MUC4: variants seen among roughly 807,000 people sequenced by gnomAD.
The protein encoded by MUC4 is mucin 4, cell surface associated, also known as mucin-4.
In MUC4, 202 loss-of-function variants were observed where a neutral mutation model predicts 257.9. That is an observed-to-expected ratio of 0.78 (90% CI 0.70 to 0.88). The LOEUF is 0.88. Ranked by LOEUF, MUC4 falls within the 40% of genes least tolerant of loss-of-function variation. The probability of loss-of-function intolerance (pLI) is 0.00; values close to 1 mark genes in which losing one functional copy is unlikely to be tolerated. For synonymous variants in MUC4, 2,351 were observed against 2,757.1 expected (o/e 0.85, Z 4.62); for missense variants, 5,976 against 6,513.7 (o/e 0.92, Z 2.84).
At position 195,766,849 on chromosome 3, in the gene MUC4, GT is replaced by G. The variant is rs939399567; in HGVS notation, c.13530-99del. 1.9e-4 allele frequency: 209 copies of G among 1,099,808 alleles called. 2 individuals are homozygous for G. Among genetic ancestry groups the G allele is most frequent in the Non-Finnish European group, 8.0e-5 (59 of 734,414 alleles). 68.1% of individuals were successfully genotyped at this position (1,099,808 alleles called of 1,614,324 possible). A position where few individuals can be genotyped will look rare whatever the true frequency, so the allele number is the denominator to read the frequency against. On this transcript the variant is annotated intron_variant, in intron 7 of 24. Coordinates refer to ENST00000463781, the MANE Select transcript of MUC4 (RefSeq NM_018406.7). ...CATCCCGCTAGCCGGTCAGCAGCTG[GT>G]CAACCAGCTAGGCGGGCAGTGGGTC... is the stretch of plus-strand genomic sequence containing the variant.
In MUC4 at chr3:195,789,708, T is replaced by G; in HGVS notation, c.1872A>C (p.Thr624=). The G allele has an allele frequency of 6.2e-7, 1 of 1,613,880 alleles. No individual in the cohort carries two copies. Among genetic ancestry groups the G allele is most frequent in the Non-Finnish European group, 8.5e-7 (1 of 1,179,850 alleles). The change falls in exon 2 of 25, where the codon ACA becomes ACC. Residue 624 remains threonine, a synonymous_variant. Coordinates refer to ENST00000463781, the MANE Select transcript of MUC4 (RefSeq NM_018406.7). ...PSTNHSTIHS[T]STSPQESPAV... is the part of the protein sequence containing the mutation. The stretch of plus-strand genomic sequence containing the variant: ...CTGGTGATTCCTGAGGAGAGGTGCT[T>G]GTGGAATGTATTGTTGAATGATTTG...
chr3:195,795,853 T>TGG (rs1734517272), intron 1 of MUC4, among the ~76,000 whole-genome samples: 4 of 78,800 alleles, frequency 5.1e-5, no homozygotes, highest in Non-Finnish European at 7.0e-5. Context: ...GGGAGGGGGG[T>TGG]GGGAGGAGGG....
intron 18 of MUC4, among the ~76,000 whole-genome samples, chr3:195,756,474 G>A (rs1242067960): frequency 6.6e-6 from 1 of 152,210 alleles, no homozygotes; most frequent in Non-Finnish European, 1.5e-5. Context: ...TAAAAATCCA[G>A]TTGAACTATA....
intron 1 of MUC4, among the ~76,000 whole-genome samples, chr3:195,801,751 G>A (rs1046726963): frequency 6.6e-6 from 1 of 152,018 alleles, no homozygotes; most frequent in East Asian, 1.9e-4. Flanking sequence ...GTCCTCACGC[G>A]TCTCATCAGT....
chr3:195,761,993 G>A, intron 14 of MUC4, 94 bp downstream of exon 14: 2 of 1,373,132 alleles, frequency 1.5e-6, no homozygotes, highest in Non-Finnish European at 2.0e-6. Context: ...GCGGAGAAAG[G>A]GAGGCCGAGC....
At chr3:195,765,572 C>T in intron 8 of MUC4, 123 bp from the exon 9 acceptor site, 1 of 992,936 alleles carries the variant, frequency 1.0e-6, no homozygotes, top group Admixed American at 2.9e-5. Flanking sequence ...CCTCTTTGGA[C>T]CCAAGTCAGA....
chr3:195,788,718 G>T lies in MUC4; in HGVS notation c.2862C>A (p.Thr954=), dbSNP rs755620638. 6 of 1,613,724 alleles carry T rather than the reference G, an allele frequency of 3.7e-6. No individual in the cohort carries two copies. In the Admixed American group the frequency reaches 5.0e-5, roughly 13 times the overall value. The change falls in exon 2 of 25, where the codon ACC becomes ACA. Residue 954 remains threonine, a synonymous_variant. Coordinates refer to ENST00000463781, the MANE Select transcript of MUC4 (RefSeq NM_018406.7). ...CAGACCCTGAAGGTGACAGAGTGTGGGTCTCGGTTTGTGGAGATGTAAGCC... is the reference window on the plus strand; with the variant it reads ...CAGACCCTGAAGGTGACAGAGTGTGTGTCTCGGTTTGTGGAGATGTAAGCC... The part of the protein sequence containing the change: ...STGLTSPQTE[T]HTLSPSGSGK...
At chr3:195,748,503 G>C (rs1338463557) in intron 24 of MUC4, among the ~76,000 whole-genome samples, 2 of 152,274 alleles carry the variant, frequency 1.3e-5, no homozygotes, top group African/African-American at 4.8e-5. Context: ...GAAGGACGTT[G>C]CAGTGAGCCG....
intron 1 of MUC4, among the ~76,000 whole-genome samples, chr3:195,811,154 T>A (rs1736679750): frequency 4.9e-5 from 1 of 20,404 alleles, no homozygotes; most frequent in Non-Finnish European, 9.4e-5. Flanking sequence ...TATATTTATT[T>A]ATTTATTTAT....
chr3:195,765,036 ACT>A lies in MUC4; in HGVS notation c.13883_13884del (p.Glu4628ValfsTer3), dbSNP rs772155786. The A allele has an allele frequency of 6.2e-7, 1 of 1,613,012 alleles. No individual in the cohort carries two copies. Among genetic ancestry groups the A allele is most frequent in the South Asian group, 1.1e-5 (1 of 91,032 alleles). ...GVCCSYGPWG[E>X]FREGWHVQRP... ...CGCTGCACGTGCCAGCCTTCACGAA[ACT>A]CTCCCCAGGGCCCGTAGCTGCAGCA... On this transcript the variant is annotated frameshift_variant, in exon 10 of 25. Transcript: ENST00000463781. LOFTEE classifies it high-confidence loss of function.
At chr3:195,801,310 T>C (rs1293731394) in intron 1 of MUC4, among the ~76,000 whole-genome samples, 1 of 152,116 alleles carries the variant, frequency 6.6e-6, no homozygotes, top group Non-Finnish European at 1.5e-5. Context: ...AAAGAGTTGA[T>C]ATTGGAGAGA....
chr3:195,769,233 C>T, intron 6 of MUC4, 81 bp from the exon 7 acceptor site: 2 of 1,547,628 alleles, frequency 1.3e-6, no homozygotes, highest in Middle Eastern at 1.7e-4. Flanking sequence ...GCCCGTCCCA[C>T]AGCCCTGCTC....
At chr3:195,801,210 G>A (rs2550268) in intron 1 of MUC4, among the ~76,000 whole-genome samples, 67,671 of 151,720 alleles carry the variant, frequency 0.45, 16,629 homozygotes, top group East Asian at 0.75. Flanking sequence ...GGCCCTTCAG[G>A]TTCCGTCAGA....
chr3:195,760,023 C>T (rs764634862), intron 16 of MUC4, among the ~76,000 whole-genome samples: 11 of 143,368 alleles, frequency 7.7e-5, no homozygotes, highest in Non-Finnish European at 1.6e-4. Context: ...GTCTGTTTCT[C>T]GGAGCCCTGC....
Position 195,789,085 on chromosome 3 carries a change from G to A in MUC4, c.2495C>T (p.Ser832Leu), listed in dbSNP as rs1560397010. 1 of 1,613,440 alleles carries A rather than the reference G, an allele frequency of 6.2e-7. No homozygotes were observed. Among genetic ancestry groups the A allele is most frequent in the Non-Finnish European group, 8.5e-7 (1 of 1,179,612 alleles). Residue 832 changes from serine (S) to leucine (L), a missense_variant, in exon 2 of 25, where the codon TCA (serine) becomes TTA (leucine). By Grantham distance (145) the Ser-to-Leu change is moderately radical (BLOSUM62 -2). Transcript: ENST00000463781. ...TGTGTGACTGTCCCTGGAGGGGTTT[G>A]ATGAAAACCTTGTCGTCTCTCCTGA... ...STSGETTRFS[S>L]NPSRDSHTTQ...
intron 13 of MUC4, 142 bp downstream of exon 13, chr3:195,762,713 G>GCAACGCACCGGGCCCT (rs1298254948): frequency 9.4e-6 from 1 of 106,372 alleles, no homozygotes; most frequent in South Asian, 2.3e-4. Context: ...CACTCGGCGC[G>GCAACGCACCGGGCCCT]GCACCGCCAC....
In MUC4 at chr3:195,760,871, T is replaced by C; in HGVS notation, c.14848+13A>G. 6.2e-7 allele frequency: 1 copy of C among 1,612,734 alleles called. No individual in the cohort carries two copies. The highest frequency in any genetic ancestry group is 1.7e-5 in the Admixed American group (1 of 60,020). ...GACTCTGAAAAGGCCTCCCCAGGCC[T>C]CGGGCCACTTACTGAGGGTGGCGTT... On this transcript the variant is annotated intron_variant, in intron 16 of 24. Coordinates refer to ENST00000463781, the MANE Select transcript of MUC4 (RefSeq NM_018406.7).
chr3:195,789,177 G>A lies in MUC4; in HGVS notation c.2403C>T (p.Gly801=), dbSNP rs769859305. The part of the protein sequence containing the change: ...ASSGSRTTSA[G]TATPSSSGAS... ...CCCCGGATGAGGAAGGGGTAGCTGT[G>A]CCCGCTGAGGTGGTTCGTGACCCTG... Residue 801 remains glycine, a synonymous_variant, in exon 2 of 25, where the codon GGC becomes GGT. Transcript: ENST00000463781. The A allele has an allele frequency of 3.1e-6, 5 of 1,613,860 alleles. No individual in the cohort carries two copies. The highest frequency in any genetic ancestry group is 1.7e-4 in the Middle Eastern group (1 of 6,060).
intron 4 of MUC4, 46 bp downstream of exon 4, chr3:195,774,126 G>T: frequency 5.1e-6 from 8 of 1,553,460 alleles, no homozygotes; most frequent in Non-Finnish European, 6.9e-6. Flanking sequence ...GGAGAGAGAA[G>T]TGGGCCCTGG....
Sources: gnomAD v4.1 joint callset for allele counts (sites outside exome capture counted in the v4.1 genomes callset) on GRCh38, gnomAD v4.1.1 for gene constraint, MANE v1.5 for transcripts, NCBI Gene and HGNC (gene_info 2026-07-23, HGNC 2026-07-21) for gene names.